The following MTHFD2L variants were observed in gnomAD, a reference collection of about 807,000 sequenced individuals.
MTHFD2L encodes bifunctional methylenetetrahydrofolate dehydrogenase/cyclohydrolase 2, mitochondrial.
In MTHFD2L, 29 loss-of-function variants were observed where a neutral mutation model predicts 34.9. That is an observed-to-expected ratio of 0.83 (90% CI 0.62 to 1.13). MTHFD2L has a LOEUF of 1.13. Among genes scored for constraint, MTHFD2L ranks in the 50% most tolerant of loss-of-function variants. MTHFD2L has a pLI of 0.00. For missense variants in MTHFD2L, 481 were observed against 446.5 expected (o/e 1.08, Z -0.70); for synonymous variants, 167 against 155.7 (o/e 1.07, Z -0.54).
At chr4:74,219,557 T>C (rs1737791971) in intron 5 of MTHFD2L, among the ~76,000 whole-genome samples, 1 of 152,062 alleles carries the variant, frequency 6.6e-6, no homozygotes, top group South Asian at 2.1e-4. Flanking sequence ...GAATTGAATA[T>C]AGGAATGACA....
intron 6 of MTHFD2L, among the ~76,000 whole-genome samples, chr4:74,234,802 T>TGTGTGTGG (rs1740609042): frequency 6.6e-6 from 1 of 151,710 alleles, no homozygotes; most frequent in Non-Finnish European, 1.5e-5. Flanking sequence ...AGACAGTGTG[T>TGTGTGTGG]GTGTGTGTGT....
intron 1 of MTHFD2L, among the ~76,000 whole-genome samples, chr4:74,127,488 A>T (rs2109792651): frequency 6.6e-6 from 1 of 152,276 alleles, no homozygotes; most frequent in East Asian, 1.9e-4. Flanking sequence ...CATATGAGTG[A>T]GAATAGGCCA....
chr4:74,178,088 A>G (rs1036239297), intron 3 of MTHFD2L, among the ~76,000 whole-genome samples: 2 of 152,010 alleles, frequency 1.3e-5, no homozygotes, highest in Non-Finnish European at 2.9e-5. Flanking sequence ...CCAGGGACTG[A>G]GGACTGGAGA....
At chr4:74,265,081 A>C (rs192589720) in intron 6 of MTHFD2L, among the ~76,000 whole-genome samples, 1 of 151,956 alleles carries the variant, frequency 6.6e-6, no homozygotes, top group Non-Finnish European at 1.5e-5. Context: ...TTTTTACTTC[A>C]TGCTATTGCT....
intron 3 of MTHFD2L, chr4:74,183,327 C>A (rs1047925142): frequency 1.3e-5 from 2 of 151,954 alleles, no homozygotes; most frequent in Non-Finnish European, 2.9e-5. Flanking sequence ...GAAGAGAGCT[C>A]AAAACTAAAA....
intron 7 of MTHFD2L, among the ~76,000 whole-genome samples, chr4:74,296,639 C>T (rs576316276): frequency 1.3e-5 from 2 of 152,176 alleles, no homozygotes; most frequent in South Asian, 4.1e-4. Flanking sequence ...TAAATTTTCT[C>T]CATTCCGTTT....
chr4:74,190,458 G>T (rs900246571), intron 3 of MTHFD2L: 2 of 985,098 alleles, frequency 2.0e-6, no homozygotes, highest in African/African-American at 3.5e-5. Context: ...CAGTTTTCGT[G>T]GCTGTAGGAG....
intron 1 of MTHFD2L, among the ~76,000 whole-genome samples, chr4:74,146,920 C>G (rs1723627943): frequency 6.6e-6 from 1 of 151,886 alleles, no homozygotes; most frequent in Non-Finnish European, 1.5e-5. Context: ...TTGACCTATT[C>G]TGCTGTTGAG....
intron 5 of MTHFD2L, among the ~76,000 whole-genome samples, chr4:74,212,318 C>T (rs758888324): frequency 2.8e-4 from 43 of 152,114 alleles, no homozygotes; most frequent in Non-Finnish European, 5.3e-4. Flanking sequence ...CCCACTTTCT[C>T]CTGTGGGTAT....
At chr4:74,253,332 GT>G (rs1284943373) in intron 6 of MTHFD2L, among the ~76,000 whole-genome samples, 8 of 152,134 alleles carry the variant, frequency 5.3e-5, no homozygotes, top group African/African-American at 1.9e-4. Flanking sequence ...CAAGATAGGA[GT>G]TTCTAGCACT....
intron 1 of MTHFD2L, among the ~76,000 whole-genome samples, chr4:74,143,153 A>C (rs1050054014): frequency 2.0e-5 from 3 of 152,168 alleles, no homozygotes; most frequent in African/African-American, 2.4e-5. Context: ...AACAAACAAA[A>C]AAAACAAGCA....
intron 1 of MTHFD2L, among the ~76,000 whole-genome samples, chr4:74,171,118 T>TA (rs1349351508): frequency 6.6e-6 from 1 of 151,782 alleles, no homozygotes; most frequent in Admixed American, 6.6e-5. Context: ...CCCTAAAACT[T>TA]AAAGTATAAT....
At chr4:74,179,859 T>C (rs1458914562) in intron 3 of MTHFD2L, among the ~76,000 whole-genome samples, 2 of 152,136 alleles carry the variant, frequency 1.3e-5, no homozygotes, top group African/African-American at 2.4e-5. Context: ...ATAATACTTA[T>C]AATTCATTGC....
At chr4:74,197,004 A>T (rs1041360860) in intron 3 of MTHFD2L, among the ~76,000 whole-genome samples, 15 of 151,940 alleles carry the variant, frequency 9.9e-5, no homozygotes, top group Non-Finnish European at 1.9e-4. Flanking sequence ...GTAAATCTAC[A>T]GTGTCCTAAA....
At chr4:74,301,066 T>G (rs576728071) in intron 7 of MTHFD2L, among the ~76,000 whole-genome samples, 18 of 152,216 alleles carry the variant, frequency 1.2e-4, no homozygotes, top group African/African-American at 4.3e-4. Flanking sequence ...TGAAGTATAG[T>G]TCCCACTGAA....
At chr4:74,204,287 G>C (rs1032789303) in intron 5 of MTHFD2L, among the ~76,000 whole-genome samples, 18 of 152,148 alleles carry the variant, frequency 1.2e-4, no homozygotes, top group Non-Finnish European at 2.5e-4. Context: ...ATTGTGAAAA[G>C]TAAATGAAAT....
At chr4:74,136,725 A>G (rs1000611136) in intron 1 of MTHFD2L, among the ~76,000 whole-genome samples, 1 of 152,154 alleles carries the variant, frequency 6.6e-6, no homozygotes, top group Non-Finnish European at 1.5e-5. Flanking sequence ...CTTCAAATCT[A>G]TTACAAAGCT....
intron 5 of MTHFD2L, among the ~76,000 whole-genome samples, chr4:74,222,839 T>A (rs1421730452): frequency 6.6e-6 from 1 of 152,062 alleles, no homozygotes; most frequent in East Asian, 1.9e-4. Context: ...TCCTTTACTC[T>A]CATTTTTTTA....
chr4:74,204,699 T>C (rs977305218), intron 5 of MTHFD2L, among the ~76,000 whole-genome samples: 1 of 152,188 alleles, frequency 6.6e-6, no homozygotes, highest in Non-Finnish European at 1.5e-5. Context: ...TATATTTGTC[T>C]ATAAAATACC....
Sources: allele counts gnomAD v4.1 joint callset (sites outside exome capture counted in the v4.1 genomes callset), GRCh38; gene constraint gnomAD v4.1.1; transcripts MANE v1.5; gene names NCBI Gene and HGNC (gene_info 2026-07-23, HGNC 2026-07-21).